Variants in BFAR observed in about 807,000 individuals in gnomAD.
BFAR encodes bifunctional apoptosis regulator.
Under a neutral mutation model 54.4 loss-of-function variants are expected in BFAR, and 52 were observed. The ratio of observed to expected loss-of-function variants is 0.96; its 90% CI spans 0.77 to 1.21. The LOEUF is 1.21. Among genes scored for constraint, BFAR ranks in the 50% most tolerant of loss-of-function variants. The pLI, the probability that BFAR is intolerant of heterozygous loss-of-function variation, is 0.00. For missense variants in BFAR, 571 were observed against 534.0 expected (o/e 1.07, Z -0.68); for synonymous variants, 215 against 204.3 (o/e 1.05, Z -0.45).
At chr16:14,653,498 G>T (rs1196890515) in intron 4 of BFAR, among the ~76,000 whole-genome samples, 1 of 151,700 alleles carries the variant, frequency 6.6e-6, no homozygotes, top group Non-Finnish European at 1.5e-5. Flanking sequence ...CGCCTAATTT[G>T]TATTTTTAGT....
chr16:14,645,858 CAT>C (rs1321298270), intron 2 of BFAR, among the ~76,000 whole-genome samples: 1 of 152,062 alleles, frequency 6.6e-6, no homozygotes, highest in East Asian at 1.9e-4. Flanking sequence ...CATACACACA[CAT>C]ACATACATTC....
intron 1 of BFAR, among the ~76,000 whole-genome samples, chr16:14,635,559 CCTT>C (rs1008088109): frequency 2.6e-5 from 4 of 152,072 alleles, no homozygotes; most frequent in Non-Finnish European, 5.9e-5. Flanking sequence ...GCCAGGATAG[CCTT>C]CTCAGCCCGC....
intron 5 of BFAR, among the ~76,000 whole-genome samples, chr16:14,657,888 TA>T (rs1555515268): frequency 1.3e-4 from 20 of 152,004 alleles, no homozygotes; most frequent in Admixed American, 3.9e-4. Flanking sequence ...ATTAATCTCT[TA>T]AAAAAAAATT....
Position 14,669,101 on chromosome 16 carries a change from ATAT to A in BFAR, c.*1278_*1280del, listed in dbSNP as rs541415808. 3 of 453,466 alleles carry A rather than the reference ATAT, an allele frequency of 6.6e-6. No individual in the cohort carries two copies. The highest frequency in any genetic ancestry group is 1.6e-5 in the South Asian group (1 of 64,170). The allele number at this position is 453,466 out of a possible 1,614,324, so 28.1% of individuals were successfully genotyped here. On this transcript the variant is annotated 3_prime_UTR_variant, in exon 8 of 8. Coordinates refer to ENST00000261658, the MANE Select transcript of BFAR (RefSeq NM_016561.3). ...TTGCAGAAATAGGCCTACATCCAAA[ATAT>A]TATCTTGTGACTCCATGAACCATTC... is the stretch of plus-strand genomic sequence containing the variant.
chr16:14,644,277 A>T lies in BFAR; in HGVS notation c.-70A>T. 2 of 1,438,068 alleles carry T rather than the reference A, an allele frequency of 1.4e-6. No individual in the cohort carries two copies. The highest frequency in any genetic ancestry group is 9.5e-7 in the Non-Finnish European group (1 of 1,048,350). 89.1% of individuals were successfully genotyped at this position (1,438,068 alleles called of 1,614,324 possible). A position where few individuals can be genotyped will look rare whatever the true frequency, so the allele number is the denominator to read the frequency against. The stretch of plus-strand genomic sequence containing the variant: ...TGTCTCTGTTTTTTTTTTCTAGATT[A>T]ATGATGTTTTGCAGCAGTTTTCTAC... On this transcript the variant is annotated 5_prime_UTR_variant, in exon 2 of 8. The change abolishes the stop of an existing upstream ORF in the 5' untranslated region. Coordinates refer to ENST00000261658, the MANE Select transcript of BFAR (RefSeq NM_016561.3).
chr16:14,637,972 G>C (rs1256959939), intron 1 of BFAR, among the ~76,000 whole-genome samples: 1 of 151,308 alleles, frequency 6.6e-6, no homozygotes, highest in Non-Finnish European at 1.5e-5. Flanking sequence ...GATAAATACA[G>C]GCAATCATTG....
At chr16:14,655,246 T>C in intron 5 of BFAR, 36 bp downstream of exon 5, 1 of 1,260,002 alleles carries the variant, frequency 7.9e-7, no homozygotes, top group Non-Finnish European at 1.0e-6. Flanking sequence ...TTTTTTACTT[T>C]TTATTTTTAT....
chr16:14,655,262 GTTAA>G, intron 5 of BFAR, 52 bp downstream of exon 5: 1 of 1,181,896 alleles, frequency 8.5e-7, no homozygotes, highest in African/African-American at 1.7e-5. Flanking sequence ...TTTATTTTTT[GTTAA>G]TTTTTTTTAA....
intron 1 of BFAR, among the ~76,000 whole-genome samples, chr16:14,636,912 C>T (rs1183409951): frequency 2.6e-5 from 4 of 152,174 alleles, no homozygotes; most frequent in Admixed American, 2.0e-4. Context: ...ACATCTTGTA[C>T]CGCCCGTAAT....
chr16:14,634,567 G>A (rs1959374107), intron 1 of BFAR, among the ~76,000 whole-genome samples: 1 of 152,182 alleles, frequency 6.6e-6, no homozygotes, highest in Non-Finnish European at 1.5e-5. Flanking sequence ...CGCAGCTCAC[G>A]CCTGTAATCC....
chr16:14,668,146 T>C lies in BFAR; in HGVS notation c.*319T>C. ...GACTCAGGGTCCTCAGTGGACATGG[T>C]GTGGGTGACATCAGAAGGGTGCCAC... On this transcript the variant is annotated 3_prime_UTR_variant, in exon 8 of 8. Transcript: ENST00000261658. 1 of 354,874 alleles carries C rather than the reference T, an allele frequency of 2.8e-6. No homozygotes were observed. Among genetic ancestry groups the C allele is most frequent in the Admixed American group, 4.1e-5 (1 of 24,390 alleles). 22.0% of individuals were successfully genotyped at this position (354,874 alleles called of 1,614,324 possible).
intron 6 of BFAR, among the ~76,000 whole-genome samples, chr16:14,663,605 A>G (rs1960354816): frequency 6.6e-6 from 1 of 152,138 alleles, no homozygotes; most frequent in Non-Finnish European, 1.5e-5. Context: ...TGCTGGGATT[A>G]CAGGCGTGAG....
intron 4 of BFAR, among the ~76,000 whole-genome samples, chr16:14,654,003 G>T (rs191306325): frequency 1.4e-5 from 2 of 141,394 alleles, no homozygotes; most frequent in Admixed American, 7.0e-5. Context: ...GCCCATCTAA[G>T]AACTTTTTTT....
At chr16:14,647,730 A>T (rs1230506711) in intron 2 of BFAR, among the ~76,000 whole-genome samples, 1 of 151,702 alleles carries the variant, frequency 6.6e-6, no homozygotes, top group Non-Finnish European at 1.5e-5. Flanking sequence ...TTCTCACATC[A>T]TTGATGTGCT....
chr16:14,657,231 T>C (rs1020914995), intron 5 of BFAR, among the ~76,000 whole-genome samples: 3 of 152,158 alleles, frequency 2.0e-5, no homozygotes, highest in East Asian at 3.9e-4. Flanking sequence ...TTGTGTTATT[T>C]GGTTTTTGTT....
intron 5 of BFAR, among the ~76,000 whole-genome samples, chr16:14,658,025 G>T (rs1297906162): frequency 6.6e-6 from 1 of 152,190 alleles, no homozygotes; most frequent in Non-Finnish European, 1.5e-5. Context: ...CAGCTACATT[G>T]CCTGGGGAAC....
rs575153409 is a variant in BFAR, at chr16:14,639,528, G to A, written c.-73-4746G>A. Among the ~76,000 whole-genome samples the A allele has an allele frequency of 7.9e-5, 12 of 152,108 alleles. No individual in the cohort carries two copies. In the East Asian group the frequency reaches 9.7e-4, roughly 12 times the overall value. ...TCACCACGTTGACCAGGCTTGTCTC[G>A]AATTCCTAACCTCAGGTGATCCGCC... is the stretch of plus-strand genomic sequence containing the variant. On this transcript the variant is annotated intron_variant, in intron 1 of 7. Transcript: ENST00000261658.
rs181745219 is a variant in BFAR at position 14,666,060 on chromosome 16, C to T, written c.1160+989C>T. On this transcript the variant is annotated intron_variant, in intron 7 of 7. Coordinates refer to ENST00000261658, the MANE Select transcript of BFAR (RefSeq NM_016561.3). ...AGGCATCTCTCTTCATGTGGGGGCCCTTGTCTTCTCCACTCCAGACTTTGA... is the reference window on the plus strand; with the variant it reads ...AGGCATCTCTCTTCATGTGGGGGCCTTTGTCTTCTCCACTCCAGACTTTGA... Among the ~76,000 whole-genome samples, 11 of 152,276 alleles carry T rather than the reference C, an allele frequency of 7.2e-5. No individual in the cohort carries two copies. The East Asian group carries it at 2.1e-3, about 29-fold the overall frequency.
At chr16:14,653,573 G>A (rs1315687091) in intron 4 of BFAR, among the ~76,000 whole-genome samples, 1 of 152,022 alleles carries the variant, frequency 6.6e-6, no homozygotes, top group Admixed American at 6.6e-5. Flanking sequence ...TGATCTACCT[G>A]TGCCTCAGCC....
Sources: gnomAD v4.1 joint callset for allele counts (sites outside exome capture counted in the v4.1 genomes callset) on GRCh38, gnomAD v4.1.1 for gene constraint, MANE v1.5 for transcripts, NCBI Gene and HGNC (gene_info 2026-07-23, HGNC 2026-07-21) for gene names.